The following GRAMD2B variants were observed in gnomAD, a reference collection of about 807,000 sequenced individuals.
The protein encoded by GRAMD2B is GRAM domain containing 2B, also known as GRAM domain-containing protein 2B.
GRAMD2B carries 41 observed loss-of-function variants against 59.2 expected under a neutral mutation model. The ratio of observed to expected loss-of-function variants is 0.69; its 90% CI spans 0.54 to 0.90. The LOEUF (loss-of-function observed/expected upper bound fraction) is 0.90, where lower values mean the gene tolerates loss of function less well. GRAMD2B is among the 40% of genes least tolerant of loss of function. The pLI, the probability that GRAMD2B is intolerant of heterozygous loss-of-function variation, is 0.00. For missense variants in GRAMD2B, 424 were observed against 500.5 expected (o/e 0.85, Z 1.46); for synonymous variants, 161 against 182.7 (o/e 0.88, Z 0.96).
At chr5:126,386,305 G>A (rs1451537029) in intron 1 of GRAMD2B, among the ~76,000 whole-genome samples, 3 of 152,148 alleles carry the variant, frequency 2.0e-5, no homozygotes, top group Non-Finnish European at 2.9e-5. Context: ...AGGCAAATCC[G>A]AATTCCAAAT....
chr5:126,486,715 G>A (rs903015087), intron 11 of GRAMD2B, among the ~76,000 whole-genome samples, 158 bp from the exon 12 acceptor site: 1 of 152,166 alleles, frequency 6.6e-6, no homozygotes, highest in African/African-American at 2.4e-5. Context: ...TTTATAACAA[G>A]CATCAGCCTG....
intron 1 of GRAMD2B, among the ~76,000 whole-genome samples, chr5:126,444,959 T>C (rs915659072): frequency 1.3e-5 from 2 of 152,228 alleles, no homozygotes; most frequent in African/African-American, 4.8e-5. Context: ...TTGATTTTCT[T>C]TTCCTGCATT....
intron 1 of GRAMD2B, among the ~76,000 whole-genome samples, chr5:126,462,679 T>C (rs1209411835): frequency 1.3e-5 from 2 of 152,186 alleles, no homozygotes; most frequent in East Asian, 3.9e-4. Flanking sequence ...GGAACTTGGT[T>C]TAGTGCTGGA....
chr5:126,408,276 T>C (rs114936152), intron 1 of GRAMD2B, among the ~76,000 whole-genome samples: 4,377 of 152,162 alleles, frequency 0.029, 97 homozygotes, highest in Admixed American at 0.057. Context: ...GCAAAGGACA[T>C]GAATTCATAC....
chr5:126,429,553 A>C (rs897176959), intron 1 of GRAMD2B, among the ~76,000 whole-genome samples: 1 of 152,198 alleles, frequency 6.6e-6, no homozygotes, highest in Admixed American at 6.5e-5. Flanking sequence ...AAAAAGTAAA[A>C]TAAAAAAGAA....
At chr5:126,478,940 A>C (rs2126886917) in intron 6 of GRAMD2B, among the ~76,000 whole-genome samples, 1 of 152,308 alleles carries the variant, frequency 6.6e-6, no homozygotes, top group Non-Finnish European at 1.5e-5. Flanking sequence ...GTACAGGATC[A>C]GTTTTTAGAC....
At chr5:126,438,762 A>G (rs1762811424) in intron 1 of GRAMD2B, among the ~76,000 whole-genome samples, 1 of 152,212 alleles carries the variant, frequency 6.6e-6, no homozygotes, top group Non-Finnish European at 1.5e-5. Context: ...CTGAGTGGGC[A>G]TGGCAGAACG....
chr5:126,423,546 G>T lies in GRAMD2B; in HGVS notation c.-61G>T. On this transcript the variant is annotated 5_prime_UTR_variant, in exon 1 of 14. Coordinates refer to ENST00000285689, the MANE Select transcript of GRAMD2B (RefSeq NM_023927.4). ...CTGCGCACCCGGACCTAGAAGCCGG[G>T]ACGAGCCGGGGCAGAGCCAGGCGCG... is the stretch of plus-strand genomic sequence containing the variant. The T allele has an allele frequency of 6.3e-7, 1 of 1,576,420 alleles. No individual in the cohort carries two copies. Among genetic ancestry groups the T allele is most frequent in the African/African-American group, 1.4e-5 (1 of 73,978 alleles).
chr5:126,426,700 T>C (rs924156211), intron 1 of GRAMD2B, among the ~76,000 whole-genome samples: 1 of 152,214 alleles, frequency 6.6e-6, no homozygotes, highest in Non-Finnish European at 1.5e-5. Context: ...AGTTAAGATA[T>C]ATACTGTAAT....
At chr5:126,386,869 C>T (rs1756186852) in intron 1 of GRAMD2B, among the ~76,000 whole-genome samples, 1 of 152,134 alleles carries the variant, frequency 6.6e-6, no homozygotes, top group African/African-American at 2.4e-5. Flanking sequence ...ATAGCTACAA[C>T]ATAGGTGAAT....
chr5:126,408,332 T>C (rs1758441836), intron 1 of GRAMD2B, among the ~76,000 whole-genome samples: 1 of 152,094 alleles, frequency 6.6e-6, no homozygotes, highest in African/African-American at 2.4e-5. Context: ...TGCCACATTT[T>C]CTTTATCCAG....
chr5:126,423,854 T>C (rs1371916507), intron 1 of GRAMD2B, among the ~76,000 whole-genome samples, 165 bp downstream of exon 1: 1 of 152,160 alleles, frequency 6.6e-6, no homozygotes, highest in Non-Finnish European at 1.5e-5. Context: ...TGTCTAGATA[T>C]TCAGTTAAGG....
intron 1 of GRAMD2B, among the ~76,000 whole-genome samples, chr5:126,378,486 C>T (rs775974057): frequency 2.0e-5 from 3 of 151,942 alleles, no homozygotes; most frequent in East Asian, 1.9e-4. Flanking sequence ...ATTCCTTGTT[C>T]GTACTTTTCT....
chr5:126,401,376 T>C (rs1173833139), intron 1 of GRAMD2B, among the ~76,000 whole-genome samples: 1 of 152,130 alleles, frequency 6.6e-6, no homozygotes, highest in East Asian at 1.9e-4. Context: ...ATCTGTGCTG[T>C]TTTATAGCTC....
chr5:126,401,770 A>T (rs890299642), intron 1 of GRAMD2B, among the ~76,000 whole-genome samples: 1 of 152,100 alleles, frequency 6.6e-6, no homozygotes, highest in Admixed American at 6.6e-5. Context: ...ATATAGAAAA[A>T]TGATAGCTTA....
chr5:126,474,467 A>G (rs1327064839), intron 5 of GRAMD2B, among the ~76,000 whole-genome samples: 3 of 152,202 alleles, frequency 2.0e-5, no homozygotes, highest in Non-Finnish European at 4.4e-5. Flanking sequence ...GCATTATTTG[A>G]TCGACAGTAT....
chr5:126,492,622 G>C (rs1337549707), intron 13 of GRAMD2B, among the ~76,000 whole-genome samples: 1 of 152,100 alleles, frequency 6.6e-6, no homozygotes, highest in Admixed American at 6.5e-5. Context: ...TTGGGAGGCT[G>C]AGGTGGGAGG....
chr5:126,430,236 A>C (rs558068033), intron 1 of GRAMD2B, among the ~76,000 whole-genome samples: 1 of 152,310 alleles, frequency 6.6e-6, no homozygotes, highest in South Asian at 2.1e-4. Context: ...AAATTTCCTT[A>C]AGTAGACTAA....
chr5:126,378,673 C>A (rs1755406218), intron 1 of GRAMD2B, among the ~76,000 whole-genome samples: 2 of 152,260 alleles, frequency 1.3e-5, no homozygotes, highest in South Asian at 4.1e-4. Context: ...GTTTTCCCAG[C>A]TAGGGGAATG....
Sources: gnomAD v4.1 joint callset for allele counts (sites outside exome capture counted in the v4.1 genomes callset) on GRCh38, gnomAD v4.1.1 for gene constraint, MANE v1.5 for transcripts, NCBI Gene and HGNC (gene_info 2026-07-23, HGNC 2026-07-21) for gene names.